KLHL6: variants seen among roughly 807,000 people sequenced by gnomAD.
KLHL6 encodes kelch-like protein 6.
In KLHL6, 41 loss-of-function variants were observed where a neutral mutation model predicts 58.6. The observed-to-expected ratio is 0.70, with a 90% CI of 0.55 to 0.91. The LOEUF (loss-of-function observed/expected upper bound fraction) is 0.91, where lower values mean the gene tolerates loss of function less well. KLHL6 is among the 40% of genes least tolerant of loss of function. KLHL6 has a pLI of 0.00. For missense variants in KLHL6, 714 were observed against 805.6 expected (o/e 0.89, Z 1.38); for synonymous variants, 338 against 322.7 (o/e 1.05, Z -0.51).
chr3:183,497,476 C>G (rs1164362375), intron 4 of KLHL6, among the ~76,000 whole-genome samples: 1 of 152,150 alleles, frequency 6.6e-6, no homozygotes, highest in Non-Finnish European at 1.5e-5. Context: ...GATGACCACA[C>G]CTGTTGATCC....
intron 1 of KLHL6, among the ~76,000 whole-genome samples, chr3:183,535,973 A>C (rs1166369125): frequency 6.6e-6 from 1 of 152,090 alleles, no homozygotes; most frequent in African/African-American, 2.4e-5. Flanking sequence ...ATGGGGTTTC[A>C]CCACGTTAGC....
At chr3:183,547,584 C>T (rs1712767948) in intron 1 of KLHL6, among the ~76,000 whole-genome samples, 1 of 152,174 alleles carries the variant, frequency 6.6e-6, no homozygotes, top group Admixed American at 6.5e-5. Flanking sequence ...TCAACAGAGG[C>T]ATAATATGAA....
intron 1 of KLHL6, among the ~76,000 whole-genome samples, chr3:183,536,443 G>A (rs924242913): frequency 2.6e-5 from 4 of 152,220 alleles, no homozygotes; most frequent in South Asian, 2.1e-4. Context: ...AGGGACTTCC[G>A]GGAGCCTGGG....
rs757703345 is a variant in KLHL6, at chr3:183,492,611, T to C, written c.1447A>G (p.Thr483Ala). ...IGGGPNGKLA[T>A]DKTQCYDPST... ...GGGTCATAACACTGAGTCTTGTCTG[T>C]GGCCAGTTTCCCATTGGGCCCTCCC... The change falls in exon 6 of 7, where the codon ACA (threonine) becomes GCA (alanine). Residue 483 changes from threonine to alanine, a missense_variant. Transcript: ENST00000341319. This position sits in a 1 kb window ranked among gnomAD's most constrained non-coding sequence, Gnocchi z 5.9. 1.9e-6 allele frequency: 3 copies of C among 1,614,240 alleles called. No homozygotes were observed. In the Admixed American group the frequency reaches 5.0e-5, roughly 27 times the overall value.
At chr3:183,534,993 G>A (rs1319058854) in intron 1 of KLHL6, among the ~76,000 whole-genome samples, 1 of 147,900 alleles carries the variant, frequency 6.8e-6, no homozygotes, top group African/African-American at 2.5e-5. Flanking sequence ...TGCCCAGGCT[G>A]GAGTGCAGTG....
intron 4 of KLHL6, among the ~76,000 whole-genome samples, chr3:183,498,442 G>A (rs901634122): frequency 6.6e-6 from 1 of 152,122 alleles, no homozygotes; most frequent in African/African-American, 2.4e-5. Flanking sequence ...AGGGTCCCAG[G>A]GAGAGCCAGG....
intron 2 of KLHL6, among the ~76,000 whole-genome samples, chr3:183,519,881 C>T (rs1043368772): frequency 1.5e-5 from 2 of 132,908 alleles, no homozygotes; most frequent in African/African-American, 5.9e-5. Flanking sequence ...AGGTGACACA[C>T]CAAAACCCTG....
chr3:183,501,969 C>T (rs1312489795), intron 3 of KLHL6, among the ~76,000 whole-genome samples: 2 of 152,052 alleles, frequency 1.3e-5, no homozygotes, highest in Non-Finnish European at 2.9e-5. Context: ...GTACCTGGAG[C>T]TTGTGGGCAT....
intron 1 of KLHL6, among the ~76,000 whole-genome samples, chr3:183,543,366 A>C (rs963159022): frequency 2.0e-5 from 3 of 151,948 alleles, no homozygotes; most frequent in Non-Finnish European, 4.4e-5. Context: ...TCGGTGGTAC[A>C]CTGGAGGAGC....
intron 3 of KLHL6, among the ~76,000 whole-genome samples, chr3:183,504,234 C>T (rs78604383): frequency 0.019 from 2,889 of 152,288 alleles, 134 homozygotes; most frequent in East Asian, 0.19. Context: ...CTGTGCTAAG[C>T]GTTCCATTCA....
At chr3:183,507,036 C>T (rs913022101) in intron 3 of KLHL6, among the ~76,000 whole-genome samples, 1 of 152,006 alleles carries the variant, frequency 6.6e-6, no homozygotes, top group African/African-American at 2.4e-5. Context: ...TGCATTAGGA[C>T]TAGAGCAGAA....
intron 1 of KLHL6, among the ~76,000 whole-genome samples, chr3:183,545,465 T>TTC (rs1712687512): frequency 6.6e-6 from 1 of 152,192 alleles, no homozygotes; most frequent in African/African-American, 2.4e-5. Context: ...ATGAAAATAT[T>TTC]TCTCTGTTGT....
At chr3:183,534,084 A>AC in intron 1 of KLHL6, among the ~76,000 whole-genome samples, 1 of 131,308 alleles carries the variant, frequency 7.6e-6, no homozygotes, top group African/African-American at 2.8e-5. Context: ...CTTTAAAAGT[A>AC]CTTTACTTTT....
At chr3:183,544,592 C>T (rs927555037) in intron 1 of KLHL6, 4 of 152,060 alleles carry the variant, frequency 2.6e-5, no homozygotes, top group African/African-American at 9.7e-5. Flanking sequence ...CCCTCTTTAG[C>T]GGACTTTATT....
rs528975876 is a variant in KLHL6 at position 183,491,150 on chromosome 3, C to T, written c.*777G>A. 1 of 152,140 alleles carries T rather than the reference C, an allele frequency of 6.6e-6. No homozygotes were observed. Among genetic ancestry groups the T allele is most frequent in the East Asian group, 1.9e-4 (1 of 5,168 alleles). 9.4% of individuals were successfully genotyped at this position (152,140 alleles called of 1,614,324 possible). A position where few individuals can be genotyped will look rare whatever the true frequency, so the allele number is the denominator to read the frequency against. Reference sequence around the variant, plus strand: ...TGAAGACAGAGCTTCACTTTTGTTTCCCGGGCTGCAGTGCAGTGTGGCGAT... The same window carrying T: ...TGAAGACAGAGCTTCACTTTTGTTTTCCGGGCTGCAGTGCAGTGTGGCGAT... On this transcript the variant is annotated 3_prime_UTR_variant, in exon 7 of 7. Transcript: ENST00000341319.
chr3:183,516,508 G>T (rs758036244), intron 2 of KLHL6, among the ~76,000 whole-genome samples: 1 of 152,214 alleles, frequency 6.6e-6, no homozygotes, highest in Non-Finnish European at 1.5e-5. Flanking sequence ...CAAATGAGGA[G>T]ACTAAAAATA....
intron 2 of KLHL6, among the ~76,000 whole-genome samples, chr3:183,513,259 G>A (rs1718240276): frequency 6.6e-6 from 1 of 152,220 alleles, no homozygotes; most frequent in Admixed American, 6.5e-5. Flanking sequence ...ACAATGCCAT[G>A]AAAAGGGTAT....
intron 4 of KLHL6, among the ~76,000 whole-genome samples, chr3:183,496,715 AC>A (rs1270610705): frequency 6.6e-6 from 1 of 152,262 alleles, no homozygotes; most frequent in Non-Finnish European, 1.5e-5. Context: ...CATTAAACCA[AC>A]ATGTCATCAT....
At chr3:183,545,716 C>T (rs1712697305) in intron 1 of KLHL6, among the ~76,000 whole-genome samples, 1 of 152,178 alleles carries the variant, frequency 6.6e-6, no homozygotes, top group South Asian at 2.1e-4. Flanking sequence ...AAAAGAACTG[C>T]AAGAGTCACA....
Sources: gnomAD v4.1 joint callset for allele counts (sites outside exome capture counted in the v4.1 genomes callset) on GRCh38, gnomAD v4.1.1 for gene constraint, Gnocchi (gnomAD v3.1) non-coding constraint, MANE v1.5 for transcripts, NCBI Gene and HGNC (gene_info 2026-07-23, HGNC 2026-07-21) for gene names.